The following PROZ variants were observed in gnomAD, a reference collection of about 807,000 sequenced individuals.
PROZ encodes vitamin K-dependent protein Z.
Under a neutral mutation model 34.9 loss-of-function variants are expected in PROZ, and 46 were observed. The observed-to-expected ratio is 1.32, with a 90% CI of 1.04 to 1.69. PROZ has a LOEUF of 1.69. PROZ is among the 40% of genes most tolerant of loss of function. The pLI is 0.00. For missense variants in PROZ, 530 were observed against 520.4 expected, an observed-to-expected ratio of 1.02 and a Z score of -0.18; for synonymous variants, 195 against 208.5, an observed-to-expected ratio of 0.94 and a Z score of 0.56.
Position 113,172,045 on chromosome 13 carries a change from C to T in PROZ, c.1143C>T (p.His381=). The T allele has an allele frequency of 6.2e-7, 1 of 1,613,088 alleles. No individual in the cohort carries two copies. ...CGCAGCCAGTAGGAGGGCAGGCTCA[C>T]ATGGTCCTTGTCACCAAGGTCTCCA... is the stretch of plus-strand genomic sequence containing the variant. ...LGSQPVGGQA[H]MVLVTKVSRY... The change falls in exon 8 of 8, where the codon CAC becomes CAT. Residue 381 remains histidine, a synonymous_variant. Transcript: ENST00000375547.
intron 4 of PROZ, 41 bp from the exon 5 acceptor site, chr13:113,164,472 A>G (rs778548951): frequency 7.5e-6 from 12 of 1,603,486 alleles, no homozygotes; most frequent in Non-Finnish European, 1.0e-5. Flanking sequence ...TAAAATGACT[A>G]TTTCCAAGCT....
At chr13:113,167,164 G>A (rs543138782) in intron 6 of PROZ, among the ~76,000 whole-genome samples, 98 of 152,292 alleles carry the variant, frequency 6.4e-4, no homozygotes, top group African/African-American at 2.1e-3. Flanking sequence ...TTACATCCTA[G>A]GGAAGAAGTA....
chr13:113,168,001 C>CT (rs2036993510), intron 6 of PROZ, among the ~76,000 whole-genome samples: 1 of 152,214 alleles, frequency 6.6e-6, no homozygotes, highest in Non-Finnish European at 1.5e-5. Flanking sequence ...GTCCACTCCA[C>CT]TTTCGCCGAC....
chr13:113,158,823 C>T lies in PROZ; in HGVS notation c.70+93C>T. ...TTGTAGATGAGGCTTTTTCCAGGAG[C>T]CAGAGGAGCCCTGAGTGCCCAGACT... On this transcript the variant is annotated intron_variant, in intron 1 of 7. Transcript: ENST00000375547. The surrounding 1 kb of genome is among the most constrained non-coding windows in gnomAD (Gnocchi z 4.3). 1 of 1,276,516 alleles carries T rather than the reference C, an allele frequency of 7.8e-7. No individual in the cohort carries two copies. The highest frequency in any genetic ancestry group is 1.1e-6 in the Non-Finnish European group (1 of 904,776). 79.1% of individuals were successfully genotyped at this position (1,276,516 alleles called of 1,614,324 possible).
In PROZ at chr13:113,172,280, C is replaced by A. The variant is rs1225236818; in HGVS notation, c.*175C>A. On this transcript the variant is annotated 3_prime_UTR_variant, in exon 8 of 8. Coordinates refer to ENST00000375547, the MANE Select transcript of PROZ (RefSeq NM_003891.3). ...GCCGTTTGCTGGGTTGTTTACCGAG[C>A]ACTGTGACCTTTCTTTCCCTGGAAC... 2.5e-6 allele frequency: 2 copies of A among 791,738 alleles called. No homozygotes were observed. The highest frequency in any genetic ancestry group is 4.1e-6 in the Non-Finnish European group (2 of 490,208). 49.0% of individuals were successfully genotyped at this position (791,738 alleles called of 1,614,324 possible).
Position 113,159,373 on chromosome 13 carries a change from C to T in PROZ, c.71-641C>T, listed in dbSNP as rs1448743956. On this transcript the variant is annotated intron_variant, in intron 1 of 7. Transcript: ENST00000375547. This position sits in a 1 kb window ranked among gnomAD's most constrained non-coding sequence, Gnocchi z 4.6. ...CCGCCCTGCCCTGCCCAGCACTTACCGTAGCCGGACTTAGCTGAGCCCCCC... is the reference window on the plus strand; with the variant it reads ...CCGCCCTGCCCTGCCCAGCACTTACTGTAGCCGGACTTAGCTGAGCCCCCC... 6 of 1,199,622 alleles carry T rather than the reference C, an allele frequency of 5.0e-6. No individual in the cohort carries two copies. The highest frequency in any genetic ancestry group is 1.4e-5 in the South Asian group (1 of 73,848). 74.3% of individuals were successfully genotyped at this position (1,199,622 alleles called of 1,614,324 possible).
Position 113,172,004 on chromosome 13 carries a change from AC to A in PROZ, c.1103del (p.Thr368ArgfsTer9). On this transcript the variant is annotated frameshift_variant, in exon 8 of 8. Coordinates refer to ENST00000375547, the MANE Select transcript of PROZ (RefSeq NM_003891.3). LOFTEE classifies it low-confidence loss of function (END_TRUNC). ...AGAACACAGAGGCTCCTGGTTTCTC[AC>A]GGGGGTCCTGGGCTCGCAGCCAGTA... ...TREHRGSWFL[T>X]GVLGSQPVGG... The A allele has an allele frequency of 6.2e-7, 1 of 1,613,220 alleles. No homozygotes were observed. The highest frequency in any genetic ancestry group is 1.1e-5 in the South Asian group (1 of 91,084).
rs779503060 is a variant in PROZ, at chr13:113,159,286, CCCCGCTGGCCCCATGGTCT to C, written c.70+579_70+597del. 211 of 1,529,256 alleles carry C rather than the reference CCCCGCTGGCCCCATGGTCT, an allele frequency of 1.4e-4. 2 individuals are homozygous for C. In the South Asian group the frequency reaches 1.7e-3, roughly 12 times the overall value. The allele number at this position is 1,529,256 out of a possible 1,614,324, so 94.7% of individuals were successfully genotyped here. ...AGCTGCAAGTCAAAACACCCAGCAT[CCCCGCTGGCCCCATGGTCT>C]CCCGCTGGCCCCATGGTCTCCCACC... On this transcript the variant is annotated intron_variant, in intron 1 of 7. Coordinates refer to ENST00000375547, the MANE Select transcript of PROZ (RefSeq NM_003891.3). This position sits in a 1 kb window ranked among gnomAD's most constrained non-coding sequence, Gnocchi z 4.6.
In PROZ at chr13:113,171,488, A is replaced by G. The variant is rs2037109869; in HGVS notation, c.692-106A>G. 6.9e-7 allele frequency: 1 copy of G among 1,456,672 alleles called. No individual in the cohort carries two copies. Among genetic ancestry groups the G allele is most frequent in the South Asian group, 1.2e-5 (1 of 83,650 alleles). The allele number at this position is 1,456,672 out of a possible 1,614,324, so 90.2% of individuals were successfully genotyped here. The stretch of plus-strand genomic sequence containing the variant: ...GGGGCGGTGAGCCTGCGGGTCCTCC[A>G]GGGCCGGTCTCTCCCTCCTCACGTG... On this transcript the variant is annotated intron_variant, in intron 7 of 7. Coordinates refer to ENST00000375547, the MANE Select transcript of PROZ (RefSeq NM_003891.3). The surrounding 1 kb of genome is among the most constrained non-coding windows in gnomAD (Gnocchi z 5.1).
chr13:113,158,696 C>T lies in PROZ; in HGVS notation c.36C>T (p.Val12=), dbSNP rs142938221. ...GCGTCCCACTGCTCCAGGGCCTGGTCCTGGTCCTCGCCCTCCATCGTGTGG... is the reference window on the plus strand; with the variant it reads ...GCGTCCCACTGCTCCAGGGCCTGGTTCTGGTCCTCGCCCTCCATCGTGTGG... The part of the protein sequence containing the change: ...AGCVPLLQGL[V]LVLALHRVEP... The change falls in exon 1 of 8, where the codon GTC becomes GTT. Residue 12 remains valine (V), a synonymous_variant. Coordinates refer to ENST00000375547, the MANE Select transcript of PROZ (RefSeq NM_003891.3). The surrounding 1 kb of genome is among the most constrained non-coding windows in gnomAD (Gnocchi z 4.3). 2.6e-5 allele frequency: 41 copies of T among 1,606,860 alleles called. No individual in the cohort carries two copies. In the African/African-American group the frequency reaches 4.7e-4, roughly 18 times the overall value.
Position 113,171,928 on chromosome 13 carries a change from G to A in PROZ, c.1026G>A (p.Glu342=), listed in dbSNP as rs1289495451. ...CTGTCACCACCAGGACCTACTGTGA[G>A]AGAAGCAGCGTGGCGGCCATGCACT... ...NVTVTTRTYC[E]RSSVAAMHWM... The change falls in exon 8 of 8, where the codon GAG becomes GAA. Residue 342 remains glutamate (E), a synonymous_variant. Coordinates refer to ENST00000375547, the MANE Select transcript of PROZ (RefSeq NM_003891.3). This position sits in a 1 kb window ranked among gnomAD's most constrained non-coding sequence, Gnocchi z 5.1. 1 of 1,613,672 alleles carries A rather than the reference G, an allele frequency of 6.2e-7. No homozygotes were observed. Among genetic ancestry groups the A allele is most frequent in the Non-Finnish European group, 8.5e-7 (1 of 1,180,040 alleles).
chr13:113,166,017 C>T (rs959561046), intron 6 of PROZ: 6 of 152,188 alleles, frequency 3.9e-5, no homozygotes, highest in East Asian at 1.9e-4. Context: ...ATAGATATTA[C>T]GATTTTTGTT....
At position 113,172,347 on chromosome 13, in the gene PROZ, G is replaced by A. The variant is rs2037132910; in HGVS notation, c.*242G>A. 5 of 555,470 alleles carry A rather than the reference G, an allele frequency of 9.0e-6. No homozygotes were observed. The highest frequency in any genetic ancestry group is 3.2e-5 in the East Asian group (1 of 31,294). 34.4% of individuals were successfully genotyped at this position (555,470 alleles called of 1,614,324 possible). A position where few individuals can be genotyped will look rare whatever the true frequency, so the allele number is the denominator to read the frequency against. On this transcript the variant is annotated 3_prime_UTR_variant, in exon 8 of 8. Coordinates refer to ENST00000375547, the MANE Select transcript of PROZ (RefSeq NM_003891.3). ...GACCTTAAAAGAAAACATGAGATAC[G>A]TTAAATAATAAAATAAGATAATCTG...
chr13:113,164,750 C>A, intron 5 of PROZ, 106 bp downstream of exon 5: 2 of 1,520,182 alleles, frequency 1.3e-6, no homozygotes, highest in Non-Finnish European at 1.8e-6. Flanking sequence ...TTGTGATAAG[C>A]AGTTGCCACG....
Position 113,163,112 on chromosome 13 carries a change from C to T in PROZ, c.363C>T (p.Asn121=). The change falls in exon 4 of 8, where the codon AAC becomes AAT. Residue 121 remains asparagine (N), a synonymous_variant. Transcript: ENST00000375547. ...CTCSPGYEGS[N]CELAKNECHP... ...GCTCCCCCGGCTATGAGGGCAGCAA[C>T]TGCGAGCTGGGTGAGGCCCCGGCCG... is the stretch of plus-strand genomic sequence containing the variant. 6.4e-7 allele frequency: 1 copy of T among 1,553,100 alleles called. No homozygotes were observed. The highest frequency in any genetic ancestry group is 8.7e-7 in the Non-Finnish European group (1 of 1,147,560).
Position 113,160,120 on chromosome 13 carries a change from T to C in PROZ, c.177T>C (p.Tyr59=). 3 of 1,614,166 alleles carry C rather than the reference T, an allele frequency of 1.9e-6. No individual in the cohort carries two copies. Among genetic ancestry groups the C allele is most frequent in the East Asian group, 2.2e-5 (1 of 44,892 alleles). The part of the protein sequence containing the change: ...LFEGNLEKEC[Y]EEICVYEEAR... ...AGGGAAACTTGGAAAAAGAATGTTA[T>C]GAAGAAATCTGTGTCTATGAAGAAG... The change falls in exon 2 of 8, where the codon TAT becomes TAC. Residue 59 remains tyrosine, a synonymous_variant. Transcript: ENST00000375547.
At chr13:113,162,938 A>G (rs934295767) in intron 3 of PROZ, 71 bp from the exon 4 acceptor site, 2 of 451,640 alleles carry the variant, frequency 4.4e-6, no homozygotes, top group East Asian at 6.0e-5. Context: ...TCCTGTCACC[A>G]CCCCCACCCT....
intron 3 of PROZ, among the ~76,000 whole-genome samples, chr13:113,161,596 C>G (rs958324315): frequency 6.6e-6 from 1 of 152,100 alleles, no homozygotes; most frequent in African/African-American, 2.4e-5. Context: ...GCTGATGGGG[C>G]GGGACAGAGG....
intron 6 of PROZ, among the ~76,000 whole-genome samples, chr13:113,166,882 A>C (rs2036951996): frequency 6.6e-6 from 1 of 152,144 alleles, no homozygotes; most frequent in African/African-American, 2.4e-5. Context: ...GTGCGGTTCT[A>C]GTCTGCAACC....
Sources: allele counts gnomAD v4.1 joint callset (sites outside exome capture counted in the v4.1 genomes callset), GRCh38; gene constraint gnomAD v4.1.1; non-coding constraint Gnocchi (gnomAD v3.1); transcripts MANE v1.5; gene names NCBI Gene and HGNC (gene_info 2026-07-23, HGNC 2026-07-21).